Variants in KRT15 observed in about 807,000 individuals in gnomAD.
KRT15 encodes the protein keratin 15.
Under a neutral mutation model 46.6 loss-of-function variants are expected in KRT15, and 45 were observed. That is an observed-to-expected ratio of 0.97 (90% CI 0.76 to 1.24). The LOEUF (loss-of-function observed/expected upper bound fraction) is 1.24. Among genes scored for constraint, KRT15 ranks in the 50% most tolerant of loss-of-function variants. KRT15 has a pLI of 0.00. For missense variants in KRT15, 592 were observed against 588.9 expected, an observed-to-expected ratio of 1.01 and a Z score of -0.05; for synonymous variants, 221 against 233.8, an observed-to-expected ratio of 0.95 and a Z score of 0.50.
Position 41,518,780 on chromosome 17 carries a change from G to C in KRT15, c.48C>G (p.Gly16=). ...CCAGGAGGGAACCCCCTCGGGTTGA[G>C]CCACCCCCAAAGGTGGAGGAAGAAG... ...LQTSSSTFGG[G]STRGGSLLAG... is the part of the protein sequence containing the mutation. Residue 16 remains glycine, a synonymous_variant, in exon 1 of 8, where the codon GGC becomes GGG. Transcript: ENST00000254043. 6.4e-7 allele frequency: 1 copy of C among 1,567,238 alleles called. No homozygotes were observed. The highest frequency in any genetic ancestry group is 8.6e-7 in the Non-Finnish European group (1 of 1,160,968).
At chr17:41,515,237 A>T in intron 6 of KRT15, 1 of 569,024 alleles carries the variant, frequency 1.8e-6, no homozygotes. Flanking sequence ...CTTAACTACC[A>T]CTAGCCCAGC....
rs957983609 is a variant in KRT15, at chr17:41,514,497, A to G, written c.1273+152T>C. The G allele has an allele frequency of 4.4e-6, 3 of 689,378 alleles. No individual in the cohort carries two copies. In the African/African-American group the frequency reaches 5.4e-5, roughly 12 times the overall value. The allele number at this position is 689,378 out of a possible 1,614,324, so 42.7% of individuals were successfully genotyped here. ...TGCAATCTCACCTGGGGCTGACAGAAGTTCCCACTGGGGAAGAGGCATCTA... is the reference window on the plus strand; with the variant it reads ...TGCAATCTCACCTGGGGCTGACAGAGGTTCCCACTGGGGAAGAGGCATCTA... On this transcript the variant is annotated intron_variant, in intron 7 of 7. Transcript: ENST00000254043.
At chr17:41,514,571 T>C in intron 7 of KRT15, 78 bp downstream of exon 7, 1 of 1,381,484 alleles carries the variant, frequency 7.2e-7, no homozygotes, top group Non-Finnish European at 1.0e-6. Flanking sequence ...TCTTTCTCCT[T>C]CCTCCCTATT....
At chr17:41,516,372 C>T in intron 3 of KRT15, 107 bp from the exon 4 acceptor site, 1 of 1,213,600 alleles carries the variant, frequency 8.2e-7, no homozygotes, top group Non-Finnish European at 1.2e-6. Flanking sequence ...ACCCCAACCG[C>T]TGTTCCCCAT....
At position 41,515,568 on chromosome 17, in the gene KRT15, G is replaced by A; in HGVS notation, c.1151C>T (p.Ala384Val). The A allele has an allele frequency of 6.2e-7, 1 of 1,614,136 alleles. No homozygotes were observed. The highest frequency in any genetic ancestry group is 8.5e-7 in the Non-Finnish European group (1 of 1,180,042). The change falls in exon 6 of 8, where the codon GCT (alanine) becomes GTT (valine). Residue 384 changes from alanine (A) to valine (V), a missense_variant. Ala to Val is a moderately conservative substitution (Grantham distance 64, BLOSUM62 0). Coordinates refer to ENST00000254043, the MANE Select transcript of KRT15 (RefSeq NM_002275.4). ...QLSELRCEME[A>V]QNQEYKMLLD... ...CAGCATCTTGTACTCCTGGTTCTGA[G>A]CCTCCATCTCGCATCGGAGCTCACT...
At chr17:41,517,481 G>A in intron 1 of KRT15, 1 of 388,692 alleles carries the variant, frequency 2.6e-6, no homozygotes, top group Non-Finnish European at 4.9e-6. Context: ...GCAGTGGGGT[G>A]CAGCCAGCTC....
chr17:41,518,397 T>G lies in KRT15; in HGVS notation c.431A>C (p.Gln144Pro). ...EVKIHDWYQK[Q>P]TPTSPECDYS... ...GTCGCATTCTGGGCTGGTTGGGGTC[T>G]GCTTCTGGTACCAGTCATGGATCTT... Residue 144 changes from glutamine to proline, a missense_variant, in exon 1 of 8, where the codon CAG becomes CCG. Gln to Pro is a moderately conservative substitution (Grantham distance 76). Transcript: ENST00000254043. The G allele has an allele frequency of 6.2e-7, 1 of 1,614,124 alleles. No homozygotes were observed. The highest frequency in any genetic ancestry group is 8.5e-7 in the Non-Finnish European group (1 of 1,180,010).
rs1905247859 is a variant in KRT15 at position 41,514,045 on chromosome 17, G to T, written c.1349C>A (p.Ser450Tyr). 6.2e-7 allele frequency: 1 copy of T among 1,613,794 alleles called. No individual in the cohort carries two copies. Among genetic ancestry groups the T allele is most frequent in the South Asian group, 1.1e-5 (1 of 91,068 alleles). The change falls in exon 8 of 8, where the codon TCT (serine) becomes TAT (tyrosine). Residue 450 changes from serine to tyrosine, a missense_variant. Physicochemically the swap from Ser to Tyr is moderately radical, Grantham distance 144 (BLOSUM62 -2). Coordinates refer to ENST00000254043, the MANE Select transcript of KRT15 (RefSeq NM_002275.4). ...CACTTAGATTTCTCTCTTGTGGGAA[G>T]AAACCACCTGTCCATCCACTGACTC... is the stretch of plus-strand genomic sequence containing the variant. Reference protein sequence around the residue: ...VEESVDGQVVSSHKREI With the variant: ...VEESVDGQVVYSHKREI
At chr17:41,516,656 C>G in intron 3 of KRT15, 152 bp downstream of exon 3, 1 of 852,120 alleles carries the variant, frequency 1.2e-6, no homozygotes, top group Non-Finnish European at 1.8e-6. Flanking sequence ...GAAGTACCAA[C>G]AGCCCCACTC....
chr17:41,514,457 C>T, intron 7 of KRT15, 192 bp downstream of exon 7: 1 of 617,658 alleles, frequency 1.6e-6, no homozygotes, highest in Non-Finnish European at 2.9e-6. Flanking sequence ...GGAAGTTTCT[C>T]AATAAATCAC....
intron 6 of KRT15, 96 bp downstream of exon 6, chr17:41,515,376 G>T: frequency 9.6e-7 from 1 of 1,043,276 alleles, no homozygotes; most frequent in Non-Finnish European, 1.5e-6. Flanking sequence ...AGTCCCTCAA[G>T]GCTGCTTAGG....
chr17:41,514,266 G>A (rs1166441369), intron 7 of KRT15, 146 bp from the exon 8 acceptor site: 2 of 661,982 alleles, frequency 3.0e-6, no homozygotes, highest in African/African-American at 1.8e-5. Context: ...CAGAGATCTG[G>A]TGTTGAATTC....
rs765675080 is a variant in KRT15 at position 41,516,253 on chromosome 17, A to G, written c.751T>C (p.Phe251Leu). 6.2e-7 allele frequency: 1 copy of G among 1,612,806 alleles called. No homozygotes were observed. Among genetic ancestry groups the G allele is most frequent in the East Asian group, 2.2e-5 (1 of 44,838 alleles). The change falls in exon 4 of 8, where the codon TTC becomes CTC. Residue 251 changes from phenylalanine (F) to leucine (L), a missense_variant. Coordinates refer to ENST00000254043, the MANE Select transcript of KRT15 (RefSeq NM_002275.4). ...KKNHEEEMKEFSSQLAGQVNV... is the reference protein window; with the variant it reads ...KKNHEEEMKELSSQLAGQVNV... ...ACCTGGCCGGCCAGCTGGCTGCTGA[A>G]CTCCTTCATCTCCTGCAGGATGGGA...
chr17:41,517,010 G>A (rs752513930), intron 2 of KRT15, 46 bp from the exon 3 acceptor site: 8 of 1,614,100 alleles, frequency 5.0e-6, no homozygotes, highest in Non-Finnish European at 6.8e-6. Flanking sequence ...GGTCTTGGCT[G>A]CCTGAGTCAG....
At chr17:41,517,893 T>C (rs1408514762) in intron 1 of KRT15, among the ~76,000 whole-genome samples, 1 of 152,084 alleles carries the variant, frequency 6.6e-6, no homozygotes, top group African/African-American at 2.4e-5. Flanking sequence ...CTCTTTTTTT[T>C]TAATTATTTT....
intron 3 of KRT15, 94 bp downstream of exon 3, chr17:41,516,714 A>T: frequency 6.9e-7 from 1 of 1,446,532 alleles, no homozygotes; most frequent in Non-Finnish European, 9.5e-7. Flanking sequence ...GGCTTCCTGG[A>T]GCCACTGTCT....
Position 41,515,510 on chromosome 17 carries a change from G to T in KRT15, c.1209C>A (p.Ile403=), listed in dbSNP as rs142117852. 2.4e-4 allele frequency: 395 copies of T among 1,613,706 alleles called. No homozygotes were observed. Among genetic ancestry groups the T allele is most frequent in the Non-Finnish European group, 3.2e-4 (375 of 1,180,040 alleles). ...LDIKTRLEQE[I]ATYRSLLEGQ... is the part of the protein sequence containing the mutation. Reference sequence around the variant, plus strand: ...CCTCGAGCAGGCTGCGGTAAGTAGCGATCTCCTGCTCCAGCCGTGTCTTTA... The same window carrying T: ...CCTCGAGCAGGCTGCGGTAAGTAGCTATCTCCTGCTCCAGCCGTGTCTTTA... Residue 403 remains isoleucine (I), a synonymous_variant, in exon 6 of 8, where the codon ATC becomes ATA. Transcript: ENST00000254043.
Position 41,516,164 on chromosome 17 carries a change from C to T in KRT15, c.840G>A (p.Glu280=), listed in dbSNP as rs762100083. The T allele has an allele frequency of 8.1e-6, 13 of 1,614,190 alleles. No homozygotes were observed. Among genetic ancestry groups the T allele is most frequent in the Non-Finnish European group, 1.1e-5 (13 of 1,180,030 alleles). The change falls in exon 4 of 8, where the codon GAG becomes GAA. Residue 280 remains glutamate (E), a synonymous_variant. Coordinates refer to ENST00000254043, the MANE Select transcript of KRT15 (RefSeq NM_002275.4). ...DLTRVLAEMR[E]QYEAMAEKNR... ...TCTTCTCCGCCATGGCCTCGTACTG[C>T]TCCCTCATCTCTGCCAGCACACGGG...
At chr17:41,515,053 G>C (rs1353407500) in intron 6 of KRT15, 5 of 283,646 alleles carry the variant, frequency 1.8e-5, no homozygotes, top group Non-Finnish European at 2.7e-5. Flanking sequence ...TTTTAGTAGA[G>C]ACGGGGTTTC....
Sources: allele counts gnomAD v4.1 joint callset (sites outside exome capture counted in the v4.1 genomes callset), GRCh38; gene constraint gnomAD v4.1.1; transcripts MANE v1.5; gene names NCBI Gene and HGNC (gene_info 2026-07-23, HGNC 2026-07-21).